The following CXCL13 variants were observed in gnomAD, a reference collection of about 807,000 sequenced individuals.
CXCL13 encodes C-X-C motif chemokine ligand 13.
A neutral mutation model predicts 12.2 loss-of-function variants in CXCL13; 7 were observed. The ratio of observed to expected loss-of-function variants is 0.57; its 90% CI spans 0.33 to 1.07. The LOEUF (loss-of-function observed/expected upper bound fraction) is 1.07. CXCL13 is among the 50% of genes least tolerant of loss of function. CXCL13 has a pLI of 0.04. For missense variants in CXCL13, 113 were observed against 127.4 expected (o/e 0.89, Z 0.55); for synonymous variants, 47 against 42.4 (o/e 1.11, Z -0.42).
chr4:77,555,846 C>T (rs1725644088), intron 1 of CXCL13, among the ~76,000 whole-genome samples: 1 of 151,980 alleles, frequency 6.6e-6, no homozygotes, highest in African/African-American at 2.4e-5. Context: ...TGAGAATGAT[C>T]AATATATGCA....
intron 1 of CXCL13, among the ~76,000 whole-genome samples, chr4:77,517,944 A>T (rs1724471900): frequency 6.6e-6 from 1 of 152,128 alleles, no homozygotes; most frequent in South Asian, 2.1e-4. Flanking sequence ...AGCGGCTGGT[A>T]CCGGTTGTTC....
At chr4:77,516,678 T>C (rs536292478) in intron 1 of CXCL13, among the ~76,000 whole-genome samples, 5 of 152,270 alleles carry the variant, frequency 3.3e-5, no homozygotes, top group African/African-American at 1.2e-4. Context: ...TTTTATTGTG[T>C]CTATTTGATT....
At chr4:77,516,545 T>A (rs1320196269) in intron 1 of CXCL13, among the ~76,000 whole-genome samples, 1 of 152,190 alleles carries the variant, frequency 6.6e-6, no homozygotes, top group Non-Finnish European at 1.5e-5. Flanking sequence ...GGAGAGTGTA[T>A]GTGTGGAGGA....
intron 1 of CXCL13, among the ~76,000 whole-genome samples, chr4:77,572,158 T>C (rs1578059739): frequency 6.6e-6 from 1 of 151,902 alleles, no homozygotes; most frequent in East Asian, 1.9e-4. Context: ...ACCAGCACTT[T>C]GGGAGGCTGA....
intron 1 of CXCL13, among the ~76,000 whole-genome samples, chr4:77,566,332 A>G (rs937472961): frequency 3.9e-5 from 6 of 152,212 alleles, no homozygotes; most frequent in Non-Finnish European, 5.9e-5. Context: ...GGTTAAGAAC[A>G]TAACTGTTAC....
intron 1 of CXCL13, among the ~76,000 whole-genome samples, chr4:77,526,633 G>C (rs1250881082): frequency 5.3e-5 from 8 of 152,152 alleles, no homozygotes. Context: ...AGGGCTTCAA[G>C]TGAGGAAAGA....
intron 1 of CXCL13, among the ~76,000 whole-genome samples, chr4:77,550,147 C>T (rs1219925050): frequency 6.6e-6 from 1 of 152,216 alleles, no homozygotes; most frequent in Non-Finnish European, 1.5e-5. Context: ...ATCTGCTGAG[C>T]CAGGCACAGG....
chr4:77,534,612 A>G (rs906619655), intron 1 of CXCL13, among the ~76,000 whole-genome samples: 1 of 152,230 alleles, frequency 6.6e-6, no homozygotes, highest in Non-Finnish European at 1.5e-5. Context: ...TCAGTTGAAT[A>G]TGAATCTACA....
At chr4:77,514,026 A>G (rs541604686) in intron 1 of CXCL13, among the ~76,000 whole-genome samples, 1 of 152,056 alleles carries the variant, frequency 6.6e-6, no homozygotes, top group Non-Finnish European at 1.5e-5. Context: ...TCATTGTTCA[A>G]TTCCCACCTA....
At chr4:77,601,812 T>C (rs568659201), upstream of CXCL13, among the ~76,000 whole-genome samples, 128 of 152,330 alleles carry the variant, frequency 8.4e-4, no homozygotes, top group Non-Finnish European at 1.6e-3. Context: ...TCCCCTGAGA[T>C]GATGTTACTG....
At chr4:77,542,040 A>G (rs1035732373) in intron 1 of CXCL13, among the ~76,000 whole-genome samples, 5 of 151,960 alleles carry the variant, frequency 3.3e-5, no homozygotes, top group Non-Finnish European at 7.4e-5. Context: ...AATGCCACAG[A>G]TTTCTGTATA....
upstream of CXCL13, among the ~76,000 whole-genome samples, chr4:77,605,576 C>T (rs1389900026): frequency 6.6e-6 from 1 of 152,156 alleles, no homozygotes; most frequent in African/African-American, 2.4e-5. Context: ...GATAGATTAT[C>T]CTTTCTCCCC....
rs186812679 is a variant in CXCL13, at chr4:77,570,674, C to T, written c.-42-35150C>T. Reference sequence around the variant, plus strand: ...GCAGGGAGGTGTGGAGGGAGAGGCGCGAGCAGGAACTGGGGCTGCGCGCAG... The same window carrying T: ...GCAGGGAGGTGTGGAGGGAGAGGCGTGAGCAGGAACTGGGGCTGCGCGCAG... On this transcript the variant is annotated intron_variant, in intron 1 of 4. Transcript: ENST00000286758. Among the ~76,000 whole-genome samples the T allele has an allele frequency of 3.1e-3, 465 of 152,200 alleles. 1 individual carries two copies. Among genetic ancestry groups the T allele is most frequent in the East Asian group, 0.014 (70 of 5,140 alleles).
chr4:77,527,193 T>TTAAAAATAAA (rs1196041308), intron 1 of CXCL13, among the ~76,000 whole-genome samples: 56 of 152,292 alleles, frequency 3.7e-4, no homozygotes, highest in South Asian at 1.7e-3. Flanking sequence ...CCACAAAATG[T>TTAAAAATAAA]AGCACTGTAC....
intron 1 of CXCL13, among the ~76,000 whole-genome samples, chr4:77,520,389 C>A (rs1000680534): frequency 5.3e-5 from 8 of 151,962 alleles, no homozygotes; most frequent in Admixed American, 1.3e-4. Flanking sequence ...CTTTTATTTC[C>A]TTGAGCAGTG....
intron 1 of CXCL13, among the ~76,000 whole-genome samples, chr4:77,532,138 G>T (rs571358860): frequency 6.6e-6 from 1 of 152,224 alleles, no homozygotes; most frequent in East Asian, 1.9e-4. Flanking sequence ...TTTCTTCCTA[G>T]CCTCAATGGT....
chr4:77,546,060 G>C (rs775730083), intron 1 of CXCL13, among the ~76,000 whole-genome samples: 4 of 152,114 alleles, frequency 2.6e-5, no homozygotes, highest in Non-Finnish European at 4.4e-5. Flanking sequence ...TTATTGATTT[G>C]CATATGTTAA....
chr4:77,515,566 G>A (rs920521409), intron 1 of CXCL13, among the ~76,000 whole-genome samples: 7 of 152,142 alleles, frequency 4.6e-5, no homozygotes, highest in African/African-American at 1.4e-4. Context: ...TCTCTTTGAA[G>A]CAATTGTGAA....
intron 1 of CXCL13, among the ~76,000 whole-genome samples, chr4:77,515,790 A>G (rs947902090): frequency 5.3e-5 from 8 of 152,146 alleles, no homozygotes; most frequent in Non-Finnish European, 7.4e-5. Flanking sequence ...CTAACTGAAT[A>G]CCCTTTATTT....
Sources: gnomAD v4.1 joint callset for allele counts (sites outside exome capture counted in the v4.1 genomes callset) on GRCh38, gnomAD v4.1.1 for gene constraint, MANE v1.5 for transcripts, NCBI Gene and HGNC (gene_info 2026-07-23, HGNC 2026-07-21) for gene names.